Variants in ADAMTS8 observed in about 807,000 individuals in gnomAD.
ADAMTS8 encodes A disintegrin and metalloproteinase with thrombospondin motifs 8.
A neutral mutation model predicts 64.4 loss-of-function variants in ADAMTS8; 50 were observed. The observed-to-expected ratio is 0.78, with a 90% CI of 0.62 to 0.98. ADAMTS8 has a LOEUF of 0.98. ADAMTS8 is among the 50% of genes least tolerant of loss of function. ADAMTS8 has a pLI of 0.00. For synonymous variants in ADAMTS8, 556 were observed against 533.6 expected (o/e 1.04, Z -0.58); for missense variants, 1,192 against 1,208.2 (o/e 0.99, Z 0.20).
At position 130,411,795 on chromosome 11, in the gene ADAMTS8, G is replaced by A. The variant is rs950178549; in HGVS notation, c.1567-195C>T. 9 of 621,730 alleles carry A rather than the reference G, an allele frequency of 1.4e-5. No individual in the cohort carries two copies. Among genetic ancestry groups the A allele is most frequent in the East Asian group, 8.3e-5 (3 of 36,164 alleles). The allele number at this position is 621,730 out of a possible 1,614,324, so 38.5% of individuals were successfully genotyped here. A position where few individuals can be genotyped will look rare whatever the true frequency, so the allele number is the denominator to read the frequency against. On this transcript the variant is annotated intron_variant, in intron 5 of 8. Transcript: ENST00000257359. The surrounding 1 kb of genome is among the most constrained non-coding windows in gnomAD (Gnocchi z 4.2). Reference sequence around the variant, plus strand: ...GCTTTGTGAGCACAGAGACCAGGCTGGACTCATTCACTACTGACTCCTCAG... The same window carrying A: ...GCTTTGTGAGCACAGAGACCAGGCTAGACTCATTCACTACTGACTCCTCAG...
chr11:130,406,052 C>A lies in ADAMTS8; in HGVS notation c.2176G>T (p.Val726Leu). Residue 726 changes from valine (V) to leucine (L), a missense_variant, in exon 9 of 9, where the codon GTG becomes TTG. By Grantham distance (32) the Val-to-Leu change is conservative (BLOSUM62 1). This residue lies in a region of ADAMTS8 where 290 missense variants were observed against 297.8 expected (regional missense o/e 0.97). Coordinates refer to ENST00000257359, the MANE Select transcript of ADAMTS8 (RefSeq NM_007037.6). ...GCCAGGTAGTTCCCATCGTTCTGCA[C>A]ACCCGGGTGGCTCCGCTGCTTCACG... ...IDVKQRSHPG[V>L]QNDGNYLALK... 6.2e-7 allele frequency: 1 copy of A among 1,614,110 alleles called. No individual in the cohort carries two copies. The highest frequency in any genetic ancestry group is 8.5e-7 in the Non-Finnish European group (1 of 1,180,056).
intron 8 of ADAMTS8, among the ~76,000 whole-genome samples, chr11:130,407,245 G>A (rs1431265518): frequency 2.0e-5 from 3 of 152,174 alleles, no homozygotes; most frequent in Non-Finnish European, 4.4e-5. Context: ...GTGCATGCCT[G>A]TAATCCCAGC....
chr11:130,427,862 C>A lies in ADAMTS8; in HGVS notation c.425G>T (p.Gly142Val). ...CAGGCGGTGCGGCTGAGCCAGGGAG[C>A]CCCCCGCGCCCTGCGGCTGGATGGT... ...EFTIQPQGAG[G>V]SLAQPHRLQR... The change falls in exon 1 of 9, where the codon GGC becomes GTC. Residue 142 changes from glycine to valine, a missense_variant. By Grantham distance (109) the Gly-to-Val change is moderately radical (BLOSUM62 -3). Coordinates refer to ENST00000257359, the MANE Select transcript of ADAMTS8 (RefSeq NM_007037.6). 3 of 1,535,570 alleles carry A rather than the reference C, an allele frequency of 2.0e-6. No homozygotes were observed. Among genetic ancestry groups the A allele is most frequent in the Non-Finnish European group, 2.6e-6 (3 of 1,145,438 alleles).
Position 130,408,584 on chromosome 11 carries a change from T to A in ADAMTS8, c.1979A>T (p.Gln660Leu). The A allele has an allele frequency of 3.1e-6, 5 of 1,614,158 alleles. No individual in the cohort carries two copies. The highest frequency in any genetic ancestry group is 4.2e-6 in the Non-Finnish European group (5 of 1,180,030). Residue 660 changes from glutamine (Q) to leucine (L), a missense_variant, in exon 8 of 9, where the codon CAG becomes CTG. Around this residue, in one of 5 missense-constraint regions of ADAMTS8, gnomAD observed 290 missense variants for 297.8 expected, o/e 0.97. Transcript: ENST00000257359. Reference sequence around the variant, plus strand: ...ATGGTCACAGCCGGCCTTGACACACTGGCCACGGACACAGATGGCCAGTGT... The same window carrying A: ...ATGGTCACAGCCGGCCTTGACACACAGGCCACGGACACAGATGGCCAGTGT... ...PETLAICVRG[Q>L]CVKAGCDHVV...
In ADAMTS8 at chr11:130,419,079, C is replaced by G. The variant is rs201923368; in HGVS notation, c.934G>C (p.Asp312His). The change falls in exon 2 of 9, where the codon GAC becomes CAC. Residue 312 changes from aspartate (D) to histidine (H), a missense_variant. Asp to His is a moderately conservative substitution (Grantham distance 81). Coordinates refer to ENST00000257359, the MANE Select transcript of ADAMTS8 (RefSeq NM_007037.6). Reference protein sequence around the residue: ...QPSDRHPEHYDTAILLTRQNF... With the variant: ...QPSDRHPEHYHTAILLTRQNF... ...TGTCTGGTGAGCAGGATGGCCGTGT[C>G]GTAGTGCTCTGGGTGGCGGTCGCTG... 1 of 1,614,148 alleles carries G rather than the reference C, an allele frequency of 6.2e-7. No individual in the cohort carries two copies. The highest frequency in any genetic ancestry group is 8.5e-7 in the Non-Finnish European group (1 of 1,180,034).
chr11:130,419,059 G>A lies in ADAMTS8; in HGVS notation c.954C>T (p.Thr318=), dbSNP rs1862064089. ...TCCGGAGCCAGGCACGGACCTGTCT[G>A]GTGAGCAGGATGGCCGTGTCGTAGT... ...PEHYDTAILL[T]RQNFCGQEGL... Residue 318 remains threonine (T), a synonymous_variant, in exon 2 of 9, where the codon ACC becomes ACT. Coordinates refer to ENST00000257359, the MANE Select transcript of ADAMTS8 (RefSeq NM_007037.6). 3 of 1,613,978 alleles carry A rather than the reference G, an allele frequency of 1.9e-6. No homozygotes were observed. The South Asian group carries it at 3.3e-5, about 18-fold the overall frequency.
rs753399217 is a variant in ADAMTS8 at position 130,414,738 on chromosome 11, C to T, written c.1359G>A (p.Arg453=). The T allele has an allele frequency of 1.2e-6, 2 of 1,613,650 alleles. No individual in the cohort carries two copies. Among genetic ancestry groups the T allele is most frequent in the Admixed American group, 1.7e-5 (1 of 60,020 alleles). ...GGCGGAAATCCGGCCCAAAGATCTG[C>T]CTGCACTGCTGGTCCAGCTGGTACA... ...MALYQLDQQC[R]QIFGPDFRHC... is the part of the protein sequence containing the mutation. The change falls in exon 5 of 9, where the codon AGG becomes AGA. Residue 453 remains arginine, a synonymous_variant. Coordinates refer to ENST00000257359, the MANE Select transcript of ADAMTS8 (RefSeq NM_007037.6).
At chr11:130,419,629 T>C (rs376963338) in intron 1 of ADAMTS8, among the ~76,000 whole-genome samples, 2 of 152,226 alleles carry the variant, frequency 1.3e-5, no homozygotes, top group East Asian at 3.8e-4. Flanking sequence ...ACTTATAGCG[T>C]GGCACAGGCC....
At position 130,411,319 on chromosome 11, in the gene ADAMTS8, G is replaced by A. The variant is rs1031720255; in HGVS notation, c.1750+98C>T. ...CCCTCTGGGAGTAACTCTATATCCC[G>A]GGACACCCACTTCACTCCCACTTTA... On this transcript the variant is annotated intron_variant, in intron 6 of 8. Coordinates refer to ENST00000257359, the MANE Select transcript of ADAMTS8 (RefSeq NM_007037.6). The surrounding 1 kb of genome is among the most constrained non-coding windows in gnomAD (Gnocchi z 4.2). The A allele has an allele frequency of 1.5e-5, 22 of 1,447,802 alleles. No homozygotes were observed. The highest frequency in any genetic ancestry group is 7.1e-5 in the African/African-American group (5 of 70,840). The allele number at this position is 1,447,802 out of a possible 1,614,324, so 89.7% of individuals were successfully genotyped here.
rs1862185597 is a variant in ADAMTS8 at position 130,427,572 on chromosome 11, G to A, written c.715C>T (p.Leu239=). ...ASMAAFYGAD[L]QNHILTLMSV... is the part of the protein sequence containing the mutation. ...GAGGAGGCTCTCAGTCCTACCTGCA[G>A]GTCGGCCCCGTAGAAGGCAGCCATG... is the stretch of plus-strand genomic sequence containing the variant. Residue 239 remains leucine (L), a synonymous_variant, in exon 1 of 9, where the codon CTG becomes TTG. Transcript: ENST00000257359. 1 of 1,538,228 alleles carries A rather than the reference G, an allele frequency of 6.5e-7. No homozygotes were observed. The highest frequency in any genetic ancestry group is 8.7e-7 in the Non-Finnish European group (1 of 1,146,816).
rs1316663062 is a variant in ADAMTS8, at chr11:130,428,117, A to T, written c.170T>A (p.Leu57Gln). ...CACGAAGCCCTTGCCGAAGGCGGAC[A>T]GGTGGAGCGCGAGCTCGCCCGCGCT... ...PGSAGELALH[L>Q]SAFGKGFVLR... The change falls in exon 1 of 9, where the codon CTG (leucine) becomes CAG (glutamine). Residue 57 changes from leucine (L) to glutamine (Q), a missense_variant. By Grantham distance (113) the Leu-to-Gln change is moderately radical (BLOSUM62 -2). Around this residue, in one of 5 missense-constraint regions of ADAMTS8, gnomAD observed 741 missense variants for 710.6 expected, o/e 1.04. Coordinates refer to ENST00000257359, the MANE Select transcript of ADAMTS8 (RefSeq NM_007037.6). 11 of 1,517,776 alleles carry T rather than the reference A, an allele frequency of 7.2e-6. No homozygotes were observed. Among genetic ancestry groups the T allele is most frequent in the Non-Finnish European group, 7.9e-6 (9 of 1,142,402 alleles). 94.0% of individuals were successfully genotyped at this position (1,517,776 alleles called of 1,614,324 possible). A position where few individuals can be genotyped will look rare whatever the true frequency, so the allele number is the denominator to read the frequency against.
chr11:130,405,475 A>C lies in ADAMTS8; in HGVS notation c.*83T>G. 3 of 1,508,052 alleles carry C rather than the reference A, an allele frequency of 2.0e-6. No individual in the cohort carries two copies. The highest frequency in any genetic ancestry group is 2.6e-6 in the Non-Finnish European group (3 of 1,134,384). 93.4% of individuals were successfully genotyped at this position (1,508,052 alleles called of 1,614,324 possible). A position where few individuals can be genotyped will look rare whatever the true frequency, so the allele number is the denominator to read the frequency against. On this transcript the variant is annotated 3_prime_UTR_variant, in exon 9 of 9. Transcript: ENST00000257359. ...CGTGCTGCCTTGATATGGCCAAGGGACCCAGTCACCACAGTGGAGACCCTT... is the reference window on the plus strand; with the variant it reads ...CGTGCTGCCTTGATATGGCCAAGGGCCCCAGTCACCACAGTGGAGACCCTT...
In ADAMTS8 at chr11:130,427,706, T is replaced by C. The variant is rs765903718; in HGVS notation, c.581A>G (p.Glu194Gly). Residue 194 changes from glutamate (E) to glycine (G), a missense_variant, in exon 1 of 9, where the codon GAG becomes GGG. By Grantham distance (98) the Glu-to-Gly change is moderately conservative. Coordinates refer to ENST00000257359, the MANE Select transcript of ADAMTS8 (RefSeq NM_007037.6). ...EDSEEESQEE[E>G]AEGASEPPPP... is the part of the protein sequence containing the mutation. The stretch of plus-strand genomic sequence containing the variant: ...TGGCGGCTCGCTAGCGCCTTCTGCC[T>C]CCTCTTCTTGGCTCTCCTCCTCGCT... 6 of 1,595,794 alleles carry C rather than the reference T, an allele frequency of 3.8e-6. No homozygotes were observed. The African/African-American group carries it at 4.0e-5, about 11-fold the overall frequency.
chr11:130,408,570 C>T lies in ADAMTS8; in HGVS notation c.1993G>A (p.Gly665Ser), dbSNP rs776551880. The T allele has an allele frequency of 6.8e-5, 110 of 1,614,080 alleles. No individual in the cohort carries two copies. The highest frequency in any genetic ancestry group is 1.6e-4 in the Middle Eastern group (1 of 6,084). ...GGCGAGTCCACCACATGGTCACAGC[C>T]GGCCTTGACACACTGGCCACGGACA... is the stretch of plus-strand genomic sequence containing the variant. ...ICVRGQCVKA[G>S]CDHVVDSPRK... Residue 665 changes from glycine (G) to serine (S), a missense_variant, in exon 8 of 9, where the codon GGC (glycine) becomes AGC (serine). This residue lies in a region of ADAMTS8 where 290 missense variants were observed against 297.8 expected (regional missense o/e 0.97). Coordinates refer to ENST00000257359, the MANE Select transcript of ADAMTS8 (RefSeq NM_007037.6).
chr11:130,417,252 AT>A (rs1565377991), intron 2 of ADAMTS8, among the ~76,000 whole-genome samples, 177 bp from the exon 3 acceptor site: 4 of 70,418 alleles, frequency 5.7e-5, no homozygotes, highest in East Asian at 5.1e-4. Flanking sequence ...AAATTAAATT[AT>A]TATTATTATT....
In ADAMTS8 at chr11:130,427,194, G is replaced by C. The variant is rs149956760; in HGVS notation, c.720+373C>G. ...GTGGGAGTGGGAGCTATTCGTAAAC[G>C]CTCAATTTTCATCTCTGCTGGGAGA... On this transcript the variant is annotated intron_variant, in intron 1 of 8. Transcript: ENST00000257359. Among the ~76,000 whole-genome samples, 7 of 152,366 alleles carry C rather than the reference G, an allele frequency of 4.6e-5. No homozygotes were observed. In the South Asian group the frequency reaches 1.0e-3, roughly 23 times the overall value.
Position 130,416,522 on chromosome 11 carries a change from C to G in ADAMTS8, c.1097-192G>C, listed in dbSNP as rs985803734. The stretch of plus-strand genomic sequence containing the variant: ...TCAGATGACTAAGAAACACGGATAC[C>G]CCTTTATTTTCTGCCTCAGCCCGTC... On this transcript the variant is annotated intron_variant, in intron 3 of 8. Coordinates refer to ENST00000257359, the MANE Select transcript of ADAMTS8 (RefSeq NM_007037.6). The surrounding 1 kb of genome is among the most constrained non-coding windows in gnomAD (Gnocchi z 4.8). Among the ~76,000 whole-genome samples, 1 of 152,198 alleles carries G rather than the reference C, an allele frequency of 6.6e-6. No individual in the cohort carries two copies. The highest frequency in any genetic ancestry group is 6.5e-5 in the Admixed American group (1 of 15,274).
In ADAMTS8 at chr11:130,416,047, G is replaced by T; in HGVS notation, c.1264+116C>A. The T allele has an allele frequency of 7.9e-7, 1 of 1,265,568 alleles. No homozygotes were observed. The highest frequency in any genetic ancestry group is 1.1e-6 in the Non-Finnish European group (1 of 947,118). 78.4% of individuals were successfully genotyped at this position (1,265,568 alleles called of 1,614,324 possible). On this transcript the variant is annotated intron_variant, in intron 4 of 8. Coordinates refer to ENST00000257359, the MANE Select transcript of ADAMTS8 (RefSeq NM_007037.6). The surrounding 1 kb of genome is among the most constrained non-coding windows in gnomAD (Gnocchi z 4.8). The stretch of plus-strand genomic sequence containing the variant: ...GTGAATGCCCCAGCGTGGGAGGCTG[G>T]CCGGGGACTCAGCTCTAAGGGCCCT...
rs767777455 is a variant in ADAMTS8 at position 130,405,828 on chromosome 11, TGG to T, written c.2398_2399del (p.Pro800LysfsTer10). 1 of 1,613,964 alleles carries T rather than the reference TGG, an allele frequency of 6.2e-7. No individual in the cohort carries two copies. Among genetic ancestry groups the T allele is most frequent in the South Asian group, 1.1e-5 (1 of 91,084 alleles). ...LLTVPGEVFP[P>X]KVKYTFFVPN... ...GAACAAAGAAGGTGTATTTGACTTT[TGG>T]GGGGAAGACCTCGCCAGGGACTGTC... On this transcript the variant is annotated frameshift_variant, in exon 9 of 9. Coordinates refer to ENST00000257359, the MANE Select transcript of ADAMTS8 (RefSeq NM_007037.6). LOFTEE classifies it low-confidence loss of function (END_TRUNC).
Sources: gnomAD v4.1 joint callset for allele counts (sites outside exome capture counted in the v4.1 genomes callset) on GRCh38, gnomAD v4.1.1 for gene constraint, gnomAD v4.1.1 regional missense constraint, Gnocchi (gnomAD v3.1) non-coding constraint, MANE v1.5 for transcripts, NCBI Gene and HGNC (gene_info 2026-07-23, HGNC 2026-07-21) for gene names.